MCF2L: variants seen among roughly 807,000 people sequenced by gnomAD.
The protein encoded by MCF2L is MCF.2 cell line derived transforming sequence like, also known as guanine nucleotide exchange factor DBS.
A neutral mutation model predicts 153.4 loss-of-function variants in MCF2L; 97 were observed. The observed-to-expected ratio is 0.63, with a 90% confidence interval of 0.54 to 0.75. The LOEUF (loss-of-function observed/expected upper bound fraction) is 0.75, where lower values mean the gene tolerates loss of function less well. Among genes scored for constraint, MCF2L ranks in the 30% least tolerant of loss-of-function variants. The probability of loss-of-function intolerance (pLI) is 0.00; values close to 1 mark genes in which losing one functional copy is unlikely to be tolerated. For missense variants in MCF2L, 1,347 were observed against 1,495.2 expected (o/e 0.90, Z 1.64); for synonymous variants, 659 against 632.2 (o/e 1.04, Z -0.64).
At chr13:112,923,926 T>C (rs1305878241) in intron 2 of MCF2L, among the ~76,000 whole-genome samples, 1 of 152,196 alleles carries the variant, frequency 6.6e-6, no homozygotes, top group African/African-American at 2.4e-5. Context: ...CCAGTTATGT[T>C]GTAGAACATT....
intron 2 of MCF2L, among the ~76,000 whole-genome samples, chr13:112,944,009 G>A (rs2081606764): frequency 6.8e-6 from 1 of 146,368 alleles, no homozygotes; most frequent in African/African-American, 2.5e-5. Context: ...AGGGTCCCGG[G>A]CCTTGAGGGG....
chr13:113,095,810 C>T, intron 27 of MCF2L: 1 of 996,860 alleles, frequency 1.0e-6, no homozygotes, highest in Non-Finnish European at 1.2e-6. Flanking sequence ...TCCCCATTCC[C>T]CAACGGAACG....
At chr13:113,044,598 T>C in intron 3 of MCF2L, 2 of 1,555,668 alleles carry the variant, frequency 1.3e-6, no homozygotes, top group South Asian at 2.4e-5. Flanking sequence ...GCAATTGGCT[T>C]GGCTGCAGAG....
chr13:112,970,978 T>A (rs1028631714), intron 1 of MCF2L, among the ~76,000 whole-genome samples: 1 of 152,256 alleles, frequency 6.6e-6, no homozygotes, highest in African/African-American at 2.4e-5. Flanking sequence ...TTACCAGATA[T>A]CCTCGGTTAT....
At chr13:113,015,636 G>T (rs574557976) in intron 2 of MCF2L, among the ~76,000 whole-genome samples, 1 of 152,194 alleles carries the variant, frequency 6.6e-6, no homozygotes, top group Non-Finnish European at 1.5e-5. Context: ...GAGCCAGCCT[G>T]CACCCCAGGC....
At chr13:113,095,758 G>A (rs2035593323) in intron 27 of MCF2L, 4 of 997,220 alleles carry the variant, frequency 4.0e-6, no homozygotes, top group South Asian at 4.5e-5. Flanking sequence ...CCAGGAGGCT[G>A]TGAATCTCCC....
At chr13:112,894,639 G>T (rs1238365458) in intron 1 of MCF2L, among the ~76,000 whole-genome samples, 6 of 152,118 alleles carry the variant, frequency 3.9e-5, no homozygotes, top group Non-Finnish European at 7.4e-5. Context: ...AGCGTCCTGC[G>T]CTGGGAACTT....
chr13:113,071,299 A>T (rs1442380267), intron 9 of MCF2L, among the ~76,000 whole-genome samples: 1 of 152,122 alleles, frequency 6.6e-6, no homozygotes, highest in Admixed American at 6.5e-5. Flanking sequence ...TATACTGCAG[A>T]TACTAGTTCT....
Position 113,086,112 on chromosome 13 carries a change from C to T in MCF2L, c.2248-12C>T, listed in dbSNP as rs1176473524. 1 of 1,602,464 alleles carries T rather than the reference C, an allele frequency of 6.2e-7. No individual in the cohort carries two copies. The highest frequency in any genetic ancestry group is 1.1e-5 in the South Asian group (1 of 89,816). Reference sequence around the variant, plus strand: ...GTGTCCCGACGCGGTTGCCTCACCCCATGCCCCTCAGGAAATGCTGAAATA... The same window carrying T: ...GTGTCCCGACGCGGTTGCCTCACCCTATGCCCCTCAGGAAATGCTGAAATA... On this transcript the variant is annotated splice_polypyrimidine_tract_variant and intron_variant, in intron 20 of 29. Transcript: ENST00000535094.
At chr13:112,973,090 A>C (rs1204658325) in intron 1 of MCF2L, among the ~76,000 whole-genome samples, 1 of 151,904 alleles carries the variant, frequency 6.6e-6, no homozygotes, top group Non-Finnish European at 1.5e-5. Flanking sequence ...TTCTGTGTGG[A>C]ATTGAAGAGC....
intron 2 of MCF2L, among the ~76,000 whole-genome samples, chr13:112,914,852 C>T (rs954113993): frequency 2.7e-5 from 4 of 150,870 alleles, no homozygotes; most frequent in East Asian, 1.9e-4. Flanking sequence ...TTTTTCAAAT[C>T]GTCATTGTCT....
intron 2 of MCF2L, among the ~76,000 whole-genome samples, chr13:113,022,649 G>A (rs933708199): frequency 6.6e-6 from 1 of 152,226 alleles, no homozygotes; most frequent in East Asian, 1.9e-4. Flanking sequence ...GGCTTGTCCC[G>A]GCAGAACACT....
Position 113,066,190 on chromosome 13 carries a change from C to T in MCF2L, c.881+20C>T, listed in dbSNP as rs1215176092. 1 of 1,593,684 alleles carries T rather than the reference C, an allele frequency of 6.3e-7. No homozygotes were observed. The highest frequency in any genetic ancestry group is 8.6e-7 in the Non-Finnish European group (1 of 1,168,950). ...GCAGAGGTGAGGCCCGGCTGCCTTC[C>T]TGCCCTCATCCTGTCCCAGTCCATG... is the stretch of plus-strand genomic sequence containing the variant. On this transcript the variant is annotated intron_variant, in intron 8 of 29. Coordinates refer to ENST00000535094, the MANE Select transcript of MCF2L (RefSeq NM_001112732.3).
chr13:112,991,306 C>A (rs1300423517), intron 1 of MCF2L, among the ~76,000 whole-genome samples: 4 of 147,272 alleles, frequency 2.7e-5, no homozygotes, highest in African/African-American at 1.0e-4. Flanking sequence ...GGGCGTCTCC[C>A]AGGACCTGAT....
Position 113,045,371 on chromosome 13 carries a change from AC to A in MCF2L, c.369+13del, listed in dbSNP as rs1290240695. The A allele has an allele frequency of 1.2e-6, 2 of 1,612,082 alleles. No individual in the cohort carries two copies. Among genetic ancestry groups the A allele is most frequent in the Non-Finnish European group, 1.7e-6 (2 of 1,178,492 alleles). On this transcript the variant is annotated intron_variant, in intron 4 of 29. Coordinates refer to ENST00000535094, the MANE Select transcript of MCF2L (RefSeq NM_001112732.3). This position sits in a 1 kb window ranked among gnomAD's most constrained non-coding sequence, Gnocchi z 4.2. ...CGTCCTGCGCATCGCAGTAAGTGCC[AC>A]CCGGGGCTCTGCCCTGCGCCCGGCC...
upstream of MCF2L, chr13:112,968,100 C>A: frequency 6.1e-6 from 1 of 163,372 alleles, no homozygotes; most frequent in Non-Finnish European, 1.2e-5. Flanking sequence ...TGCTGGAATT[C>A]TCTCTCTCTC....
rs1029750229 is a variant in MCF2L at position 112,996,811 on chromosome 13, C to T, written c.80-17952C>T. Among the ~76,000 whole-genome samples the T allele has an allele frequency of 7.2e-5, 11 of 152,232 alleles. No individual in the cohort carries two copies. The East Asian group carries it at 7.7e-4, about 11-fold the overall frequency. On this transcript the variant is annotated intron_variant, in intron 1 of 29. Transcript: ENST00000535094. ...TCCTGATGGCTGGCAGTGCCGCCCA[C>T]GGCACCTGGACGGGGGCTGTGTTGT...
chr13:113,063,243 T>C (rs1218871753), intron 5 of MCF2L, among the ~76,000 whole-genome samples: 2 of 152,156 alleles, frequency 1.3e-5, no homozygotes. Context: ...GGGACCCACA[T>C]CTGGGTCCAC....
intron 1 of MCF2L, among the ~76,000 whole-genome samples, chr13:112,895,197 G>T (rs2081054918): frequency 6.6e-6 from 1 of 152,122 alleles, no homozygotes. Flanking sequence ...TGCTGCGGGA[G>T]GGCTGGGCCA....
Sources: gnomAD v4.1 joint callset for allele counts (sites outside exome capture counted in the v4.1 genomes callset) on GRCh38, gnomAD v4.1.1 for gene constraint, Gnocchi (gnomAD v3.1) non-coding constraint, MANE v1.5 for transcripts, NCBI Gene and HGNC (gene_info 2026-07-23, HGNC 2026-07-21) for gene names.